Variants in CD6 observed in about 807,000 individuals in gnomAD.
CD6 encodes CD6 molecule.
Under a neutral mutation model 75.3 loss-of-function variants are expected in CD6, and 53 were observed. The ratio of observed to expected loss-of-function variants is 0.70; its 90% CI spans 0.56 to 0.88. The LOEUF (loss-of-function observed/expected upper bound fraction) is 0.88, where lower values mean the gene tolerates loss of function less well. Ranked by LOEUF, CD6 falls within the 40% of genes least tolerant of loss-of-function variation. The pLI is 0.00. For missense variants in CD6, 770 were observed against 897.1 expected, an observed-to-expected ratio of 0.86 and a Z score of 1.81; for synonymous variants, 359 against 381.5, an observed-to-expected ratio of 0.94 and a Z score of 0.69.
intron 1 of CD6, among the ~76,000 whole-genome samples, chr11:60,979,464 CT>C (rs766300224): frequency 0.049 from 7,006 of 143,054 alleles, 167 homozygotes; most frequent in Admixed American, 0.057. Context: ...GTTTTGTTTT[CT>C]TTTTTTTTTT....
At chr11:61,016,951 A>G (rs1859430715) in intron 9 of CD6, 1 of 154,430 alleles carries the variant, frequency 6.5e-6, no homozygotes. Flanking sequence ...CTGAGAGTCC[A>G]CAGTGCTATA....
At chr11:60,978,969 C>T (rs1857465128) in intron 1 of CD6, among the ~76,000 whole-genome samples, 1 of 152,250 alleles carries the variant, frequency 6.6e-6, no homozygotes, top group Non-Finnish European at 1.5e-5. Flanking sequence ...TATGTGAATA[C>T]AGGACTCGGT....
rs139384594 is a variant in CD6, at chr11:60,987,272, T to C, written c.49+15358T>C. ...GCAATCTTGGGCATTTCTTGACTTATAGAAACATTGCCCCAATCTCCGCCT... is the reference window on the plus strand; with the variant it reads ...GCAATCTTGGGCATTTCTTGACTTACAGAAACATTGCCCCAATCTCCGCCT... On this transcript the variant is annotated intron_variant, in intron 1 of 12. Transcript: ENST00000313421. 6.4e-3 allele frequency among the ~76,000 whole-genome samples: 968 copies of C among 152,334 alleles called. 6 individuals carry two copies. The highest frequency in any genetic ancestry group is 0.047 in the South Asian group (225 of 4,824).
intron 5 of CD6, 99 bp from the exon 6 acceptor site, chr11:61,010,971 G>C: frequency 9.2e-7 from 1 of 1,084,690 alleles, no homozygotes; most frequent in Non-Finnish European, 1.4e-6. Flanking sequence ...CCCTAGTTCT[G>C]GGTCACTTGT....
rs139031526 is a variant in CD6, at chr11:60,987,013, G to A, written c.49+15099G>A. ...TGAGGTGGCACGCGCCTGTAATCCC[G>A]GCTACTCAGGAGGCTCAGGCAAGGG... On this transcript the variant is annotated intron_variant, in intron 1 of 12. Transcript: ENST00000313421. Among the ~76,000 whole-genome samples, 1,005 of 152,204 alleles carry A rather than the reference G, an allele frequency of 6.6e-3. 10 individuals are homozygous for A. Among genetic ancestry groups the A allele is most frequent in the African/African-American group, 0.022 (931 of 41,536 alleles).
At chr11:60,985,600 C>T (rs1285707986) in intron 1 of CD6, among the ~76,000 whole-genome samples, 1 of 152,096 alleles carries the variant, frequency 6.6e-6, no homozygotes, top group African/African-American at 2.4e-5. Context: ...AAAGAAAACA[C>T]TGAAACCAAA....
At position 61,009,611 on chromosome 11, in the gene CD6, G is replaced by A. The variant is rs1420387266; in HGVS notation, c.821G>A (p.Cys274Tyr). The A allele has an allele frequency of 6.2e-7, 1 of 1,612,900 alleles. No homozygotes were observed. The highest frequency in any genetic ancestry group is 8.5e-7 in the Non-Finnish European group (1 of 1,179,690). ...CGCCTGACAGGGGGCGCTGACCGCT[G>A]CGAGGGGCAGGTGGAGGTACACTTC... is the stretch of plus-strand genomic sequence containing the variant. ...SWRLTGGADRCEGQVEVHFRG... is the reference protein window; with the variant it reads ...SWRLTGGADRYEGQVEVHFRG... The change falls in exon 5 of 13, where the codon TGC (cysteine) becomes TAC (tyrosine). Residue 274 changes from cysteine (C) to tyrosine (Y), a missense_variant. Coordinates refer to ENST00000313421, the MANE Select transcript of CD6 (RefSeq NM_006725.5).
intron 1 of CD6, among the ~76,000 whole-genome samples, chr11:60,992,684 C>T (rs1355329442): frequency 6.6e-6 from 1 of 151,764 alleles, no homozygotes; most frequent in Non-Finnish European, 1.5e-5. Flanking sequence ...AAAAATTAGC[C>T]GAGCATGGTG....
intron 1 of CD6, among the ~76,000 whole-genome samples, chr11:60,993,010 T>TA (rs778117827): frequency 6.6e-6 from 1 of 152,080 alleles, no homozygotes; most frequent in Non-Finnish European, 1.5e-5. Flanking sequence ...CCTACTCTTA[T>TA]CCCTTGGGAT....
chr11:61,001,352 G>A (rs1858579746), intron 1 of CD6, among the ~76,000 whole-genome samples: 1 of 152,030 alleles, frequency 6.6e-6, no homozygotes, highest in Admixed American at 6.6e-5. Flanking sequence ...ACAGGCACCT[G>A]CCACCACGCC....
At chr11:61,011,873 G>A (rs1321898415) in intron 6 of CD6, among the ~76,000 whole-genome samples, 2 of 152,180 alleles carry the variant, frequency 1.3e-5, no homozygotes, top group African/African-American at 4.8e-5. Context: ...ATAAAATGGG[G>A]GTGATAAGCA....
At chr11:60,979,632 A>AT (rs1049768056) in intron 1 of CD6, among the ~76,000 whole-genome samples, 1 of 151,620 alleles carries the variant, frequency 6.6e-6, no homozygotes, top group African/African-American at 2.4e-5. Context: ...TGCCCAGCTA[A>AT]TTTTTTTGTA....
At chr11:60,989,606 G>A (rs535930697) in intron 1 of CD6, among the ~76,000 whole-genome samples, 4 of 152,266 alleles carry the variant, frequency 2.6e-5, no homozygotes, top group Admixed American at 2.6e-4. Flanking sequence ...ACGGCAGAGC[G>A]CAGCATGGCT....
In CD6 at chr11:61,007,188, G is replaced by A. The variant is rs1365356270; in HGVS notation, c.119-372G>A. ...CAGAGGAGCAGAGGGGCCTTCAGGG[G>A]AAGCATGCGCCCACTGGACCAGGGC... On this transcript the variant is annotated intron_variant, in intron 2 of 12. Transcript: ENST00000313421. The surrounding 1 kb of genome is among the most constrained non-coding windows in gnomAD (Gnocchi z 4.2). Among the ~76,000 whole-genome samples the A allele has an allele frequency of 1.3e-5, 2 of 152,136 alleles. No individual in the cohort carries two copies. Among genetic ancestry groups the A allele is most frequent in the Non-Finnish European group, 2.9e-5 (2 of 68,018 alleles).
chr11:61,010,050 A>G (rs1301199523), intron 5 of CD6, among the ~76,000 whole-genome samples, 176 bp downstream of exon 5: 1 of 152,200 alleles, frequency 6.6e-6, no homozygotes, highest in Admixed American at 6.6e-5. Flanking sequence ...TCATCGAGGT[A>G]TTTTCAGATG....
At chr11:61,017,699 G>A (rs1859474527) in intron 10 of CD6, 60 bp from the exon 11 acceptor site, 2 of 1,608,448 alleles carry the variant, frequency 1.2e-6, no homozygotes, top group Non-Finnish European at 1.7e-6. Context: ...TCTGAAGTCT[G>A]ACTTAAAGCC....
intron 1 of CD6, among the ~76,000 whole-genome samples, chr11:60,997,378 C>CAA (rs761587409): frequency 1.3e-5 from 1 of 79,662 alleles, no homozygotes; most frequent in African/African-American, 4.8e-5. Flanking sequence ...GACTCCGTCT[C>CAA]AAAAAAAAAA....
At chr11:61,012,565 C>G (rs114316975) in intron 6 of CD6, among the ~76,000 whole-genome samples, 1,569 of 152,278 alleles carry the variant, frequency 0.01, 22 homozygotes, top group African/African-American at 0.035. Flanking sequence ...AGACTCTGCC[C>G]CCAGCAAAGA....
At chr11:60,995,228 T>A (rs1565149913) in intron 1 of CD6, among the ~76,000 whole-genome samples, 1 of 150,578 alleles carries the variant, frequency 6.6e-6, no homozygotes, top group African/African-American at 2.4e-5. Context: ...CACTGCAACC[T>A]CCCCCTCCCG....
Sources: gnomAD v4.1 joint callset for allele counts (sites outside exome capture counted in the v4.1 genomes callset) on GRCh38, gnomAD v4.1.1 for gene constraint, Gnocchi (gnomAD v3.1) non-coding constraint, MANE v1.5 for transcripts, NCBI Gene and HGNC (gene_info 2026-07-23, HGNC 2026-07-21) for gene names.